Variants in TASP1 observed in about 807,000 individuals in gnomAD.
The protein encoded by TASP1 is threonine aspartase 1.
A neutral mutation model predicts 56.6 loss-of-function variants in TASP1; 16 were observed. The observed-to-expected ratio is 0.28, with a 90% confidence interval of 0.19 to 0.43. TASP1 has a LOEUF of 0.43. Ranked by LOEUF, TASP1 falls within the 20% of genes least tolerant of loss-of-function variation. The pLI, the probability that TASP1 is intolerant of heterozygous loss-of-function variation, is 1.00. For missense variants in TASP1, 393 were observed against 511.6 expected, an observed-to-expected ratio of 0.77 and a Z score of 2.24; for synonymous variants, 179 against 184.2, an observed-to-expected ratio of 0.97 and a Z score of 0.23.
chr20:13,555,048 C>T (rs997093052), intron 8 of TASP1, among the ~76,000 whole-genome samples: 6 of 152,164 alleles, frequency 3.9e-5, no homozygotes, highest in Admixed American at 2.6e-4. Context: ...CTGGATTCAA[C>T]TCTCAAACCC....
At chr20:13,184,222 AG>A in the TASP1 span, among the ~76,000 whole-genome samples, 1 of 152,178 alleles carries the variant, frequency 6.6e-6, no homozygotes, top group Non-Finnish European at 1.5e-5. Context: ...TTATAAATCA[AG>A]CAATAGATTA....
chr20:13,274,262 T>A, the TASP1 span, among the ~76,000 whole-genome samples: 1 of 152,080 alleles, frequency 6.6e-6, no homozygotes, highest in African/African-American at 2.4e-5. Context: ...AGAGCACTGT[T>A]CTTTTGTTGA....
chr20:13,272,250 C>T, the TASP1 span, among the ~76,000 whole-genome samples: 1 of 152,302 alleles, frequency 6.6e-6, no homozygotes, highest in Admixed American at 6.5e-5. Flanking sequence ...GACTAACACC[C>T]TCTGCATGAT....
At chr20:13,574,625 T>C (rs1361409176) in intron 6 of TASP1, among the ~76,000 whole-genome samples, 2 of 70,852 alleles carry the variant, frequency 2.8e-5, no homozygotes, top group Non-Finnish European at 5.5e-5. Flanking sequence ...AGTAGATACA[T>C]GGAAGACATT....
At chr20:13,574,546 A>C (rs2046832976) in intron 6 of TASP1, among the ~76,000 whole-genome samples, 1 of 152,212 alleles carries the variant, frequency 6.6e-6, no homozygotes, top group African/African-American at 2.4e-5. Context: ...TAGCAAACAA[A>C]GATATTTAAA....
the TASP1 span, among the ~76,000 whole-genome samples, chr20:13,224,746 G>C: frequency 9.2e-4 from 140 of 151,542 alleles, no homozygotes; most frequent in East Asian, 0.02. Flanking sequence ...CAATAAAGTA[G>C]TAGTAAGAAA....
chr20:13,120,618 G>A, the TASP1 span, among the ~76,000 whole-genome samples: 1 of 152,146 alleles, frequency 6.6e-6, no homozygotes, highest in African/African-American at 2.4e-5. Context: ...AATGGGTCAA[G>A]GTCAGAGTTT....
chr20:13,349,636 T>C, the TASP1 span, among the ~76,000 whole-genome samples: 1 of 152,208 alleles, frequency 6.6e-6, no homozygotes, highest in Admixed American at 6.5e-5. Context: ...TCTCAGTAGA[T>C]TGTTACCAAA....
At chr20:13,270,625 G>A in the TASP1 span, 70 of 1,613,972 alleles carry the variant, frequency 4.3e-5, no homozygotes, top group Non-Finnish European at 5.4e-5. Context: ...CCGCGATTCC[G>A]ACAAGAGACG....
At chr20:13,515,362 T>C (rs996822196) in intron 10 of TASP1, among the ~76,000 whole-genome samples, 2 of 151,998 alleles carry the variant, frequency 1.3e-5, no homozygotes, top group African/African-American at 2.4e-5. Flanking sequence ...AATTTGTATG[T>C]GATGGGTGTT....
intron 10 of TASP1, among the ~76,000 whole-genome samples, chr20:13,498,330 T>TG (rs1309451975): frequency 0.015 from 1,925 of 129,492 alleles, 32 homozygotes; most frequent in Non-Finnish European, 0.022. Context: ...TTTCTTTTCT[T>TG]TTGTGTGTGT....
the TASP1 span, among the ~76,000 whole-genome samples, chr20:13,195,577 C>T: frequency 4.6e-5 from 7 of 152,134 alleles, no homozygotes; most frequent in African/African-American, 7.2e-5. Context: ...GTGCCCACTA[C>T]GGTAACTGGC....
At chr20:13,169,803 A>T in the TASP1 span, among the ~76,000 whole-genome samples, 1 of 152,128 alleles carries the variant, frequency 6.6e-6, no homozygotes, top group Non-Finnish European at 1.5e-5. Context: ...CTTTTCTTCT[A>T]TTCCCCAACC....
the TASP1 span, among the ~76,000 whole-genome samples, chr20:13,157,538 C>T: frequency 5.9e-5 from 9 of 152,090 alleles, no homozygotes; most frequent in Non-Finnish European, 8.8e-5. Flanking sequence ...CTCTTTTGAA[C>T]ACACAGCACA....
At chr20:13,270,716 T>C in the TASP1 span, 2 of 1,613,920 alleles carry the variant, frequency 1.2e-6, no homozygotes, top group Non-Finnish European at 1.7e-6. Context: ...CCAAAGCTGA[T>C]ATCAATGGGC....
the TASP1 span, among the ~76,000 whole-genome samples, chr20:13,328,218 C>T: frequency 2.6e-5 from 4 of 152,072 alleles, no homozygotes; most frequent in Admixed American, 2.0e-4. Flanking sequence ...GCTCAACATC[C>T]CTGATCATTA....
At chr20:13,436,070 T>G (rs2042990583) in intron 11 of TASP1, among the ~76,000 whole-genome samples, 1 of 152,068 alleles carries the variant, frequency 6.6e-6, no homozygotes, top group Non-Finnish European at 1.5e-5. Context: ...AGACAAGTGG[T>G]TGCTCACCTA....
At chr20:13,253,859 A>G in the TASP1 span, among the ~76,000 whole-genome samples, 1 of 141,578 alleles carries the variant, frequency 7.1e-6, no homozygotes, top group East Asian at 2.1e-4. Context: ...ACACATCCAT[A>G]TCCATATATA....
the TASP1 span, among the ~76,000 whole-genome samples, chr20:13,247,517 G>GGTGTGTGTGTGTGTCTGTGTCTGTGTGT: frequency 7.2e-6 from 1 of 139,806 alleles, no homozygotes; most frequent in South Asian, 2.3e-4. Flanking sequence ...CAAAGTGAGG[G>GGTGTGTGTGTGTGTCTGTGTCTGTGTGT]GTGTGTGTGT....
Sources: allele counts gnomAD v4.1 joint callset (sites outside exome capture counted in the v4.1 genomes callset), GRCh38; gene constraint gnomAD v4.1.1; transcripts MANE v1.5; gene names NCBI Gene and HGNC (gene_info 2026-07-23, HGNC 2026-07-21).